CHEK2: variants seen among roughly 807,000 people sequenced by gnomAD.
CHEK2 encodes checkpoint kinase 2.
Under a neutral mutation model 69.1 loss-of-function variants are expected in CHEK2, and 71 were observed. That is an observed-to-expected ratio of 1.03 (90% CI 0.85 to 1.25). The LOEUF is 1.25. Among genes scored for constraint, CHEK2 ranks in the 50% most tolerant of loss-of-function variants. The probability of loss-of-function intolerance (pLI) is 0.00; values close to 1 mark genes in which losing one functional copy is unlikely to be tolerated. For synonymous variants in CHEK2, 189 were observed against 226.9 expected, an observed-to-expected ratio of 0.83 and a Z score of 1.50; for missense variants, 664 against 649.6, an observed-to-expected ratio of 1.02 and a Z score of -0.24.
chr22:28,711,986 C>A lies in CHEK2; in HGVS notation c.715G>T (p.Glu239Ter), dbSNP rs121908702. The A allele has an allele frequency of 4.3e-6, 7 of 1,613,784 alleles. No homozygotes were observed. The highest frequency in any genetic ancestry group is 1.7e-5 in the Admixed American group (1 of 59,988). The stretch of plus-strand genomic sequence containing the variant: ...GCTACTTTCTTACATGTTTTCCTCT[C>A]GAAAGCCAGCTTTACCTCTCCACAG... ...GACGEVKLAF[E>*]RKTCKKVAIK... The change falls in exon 6 of 15, where the codon GAG becomes TAG. Residue 239 changes from glutamate to a stop codon, truncating the protein, a stop_gained. Transcript: ENST00000404276. LOFTEE classifies it high-confidence loss of function.
At chr22:28,729,912 C>A (rs1170664018) in intron 2 of CHEK2, among the ~76,000 whole-genome samples, 1 of 152,006 alleles carries the variant, frequency 6.6e-6, no homozygotes, top group Admixed American at 6.6e-5. Flanking sequence ...GTCAGAGCAA[C>A]CAGCCAGAAA....
At chr22:28,694,908 A>G (rs975116933) in intron 12 of CHEK2, among the ~76,000 whole-genome samples, 1 of 152,192 alleles carries the variant, frequency 6.6e-6, no homozygotes, top group Non-Finnish European at 1.5e-5. Context: ...TGGAGGTTAA[A>G]TAACTTGCCT....
intron 2 of CHEK2, among the ~76,000 whole-genome samples, chr22:28,733,777 G>A (rs889945294): frequency 6.6e-6 from 1 of 151,980 alleles, no homozygotes; most frequent in Non-Finnish European, 1.5e-5. Flanking sequence ...AAATTAGCCA[G>A]GTGTGGTGGT....
chr22:28,689,486 T>A (rs1233662708), intron 13 of CHEK2: 1 of 418,856 alleles, frequency 2.4e-6, no homozygotes, highest in East Asian at 5.1e-5. Context: ...CCTCCAGCAG[T>A]CAAGAGTTTC....
chr22:28,714,544 T>G (rs2053523633), intron 5 of CHEK2, among the ~76,000 whole-genome samples: 1 of 152,216 alleles, frequency 6.6e-6, no homozygotes. Flanking sequence ...CATAAGCCCT[T>G]ATCAGATATA....
chr22:28,696,267 C>T (rs17880511), intron 10 of CHEK2, among the ~76,000 whole-genome samples: 12 of 152,218 alleles, frequency 7.9e-5, no homozygotes, highest in African/African-American at 2.7e-4. Context: ...CTGAGTGCCA[C>T]TCTCAGCTTC....
chr22:28,726,750 G>C (rs944648350), intron 2 of CHEK2, among the ~76,000 whole-genome samples: 1 of 145,116 alleles, frequency 6.9e-6, no homozygotes, highest in African/African-American at 2.6e-5. Flanking sequence ...CCTTCCTGAG[G>C]TTTTCCATGA....
chr22:28,689,396 T>A lies in CHEK2; in HGVS notation c.1462-181A>T, dbSNP rs869312552. 455 of 652,840 alleles carry A rather than the reference T, an allele frequency of 7.0e-4. 6 individuals carry two copies. Among genetic ancestry groups the A allele is most frequent in the Non-Finnish European group, 1.3e-4 (45 of 353,096 alleles). 40.4% of individuals were successfully genotyped at this position (652,840 alleles called of 1,614,324 possible). Reference sequence around the variant, plus strand: ...GCCCGCCTCTACCTTCCCAGAGGAGTCTAATTAGCAGTCAATGCTCCATCA... The same window carrying A: ...GCCCGCCTCTACCTTCCCAGAGGAGACTAATTAGCAGTCAATGCTCCATCA... On this transcript the variant is annotated intron_variant, in intron 13 of 14. Coordinates refer to ENST00000404276, the MANE Select transcript of CHEK2 (RefSeq NM_007194.4).
At chr22:28,714,106 G>T (rs1440851551) in intron 5 of CHEK2, among the ~76,000 whole-genome samples, 1 of 152,142 alleles carries the variant, frequency 6.6e-6, no homozygotes, top group Non-Finnish European at 1.5e-5. Flanking sequence ...GCCCCATAGA[G>T]CTCAGATGTT....
chr22:28,741,047 G>T (rs1171647143), intron 1 of CHEK2, among the ~76,000 whole-genome samples: 1 of 151,118 alleles, frequency 6.6e-6, no homozygotes, highest in Non-Finnish European at 1.5e-5. Context: ...ATACTTAGGA[G>T]GCTGAGGCAG....
At chr22:28,728,004 C>G in intron 2 of CHEK2, 1 of 152,318 alleles carries the variant, frequency 6.6e-6, no homozygotes. Flanking sequence ...CGATGGCTCA[C>G]ACCTGTAATC....
chr22:28,699,763 C>T (rs952369157), intron 9 of CHEK2, 75 bp downstream of exon 9: 5 of 1,044,286 alleles, frequency 4.8e-6, no homozygotes, highest in African/African-American at 4.7e-5. Flanking sequence ...CACGGTCCCT[C>T]GATTTCTGCC....
intron 14 of CHEK2, among the ~76,000 whole-genome samples, chr22:28,688,777 G>T (rs538632749): frequency 1.3e-5 from 2 of 152,222 alleles, no homozygotes; most frequent in African/African-American, 4.8e-5. Flanking sequence ...TACTCACAAA[G>T]AACTTTAAAG....
At chr22:28,695,372 C>T (rs974719594) in intron 11 of CHEK2, 130 bp from the exon 12 acceptor site, 4 of 696,464 alleles carry the variant, frequency 5.7e-6, no homozygotes, top group Admixed American at 4.3e-5. Flanking sequence ...AAAAAGTGAG[C>T]TAGGCTGGGC....
At chr22:28,721,100 C>T (rs1257828835) in intron 4 of CHEK2, among the ~76,000 whole-genome samples, 1 of 152,154 alleles carries the variant, frequency 6.6e-6, no homozygotes, top group Non-Finnish European at 1.5e-5. Context: ...TCAGTAAATG[C>T]CTAATAAAAT....
intron 5 of CHEK2, 64 bp from the exon 6 acceptor site, chr22:28,712,081 G>T: frequency 9.1e-7 from 1 of 1,094,118 alleles, no homozygotes; most frequent in Non-Finnish European, 1.4e-6. Flanking sequence ...TACCACTCCT[G>T]GGTCCACTTC....
At chr22:28,698,339 G>A (rs755494952) in intron 9 of CHEK2, among the ~76,000 whole-genome samples, 13 of 151,758 alleles carry the variant, frequency 8.6e-5, no homozygotes, top group Non-Finnish European at 1.3e-4. Flanking sequence ...AGGTTGTAGT[G>A]AGCCGAGATC....
intron 13 of CHEK2, among the ~76,000 whole-genome samples, chr22:28,691,007 T>G (rs1369039777): frequency 6.6e-6 from 1 of 151,278 alleles, no homozygotes; most frequent in Admixed American, 6.6e-5. Flanking sequence ...AGTTTCTCAG[T>G]GTAGCTCCCC....
chr22:28,741,596 A>C (rs530584994), intron 1 of CHEK2, among the ~76,000 whole-genome samples, 173 bp downstream of exon 1: 3 of 152,288 alleles, frequency 2.0e-5, no homozygotes, highest in Admixed American at 2.0e-4. Context: ...TAATACGGGA[A>C]GTGAACTTCA....
Sources: allele counts gnomAD v4.1 joint callset (sites outside exome capture counted in the v4.1 genomes callset), GRCh38; gene constraint gnomAD v4.1.1; transcripts MANE v1.5; gene names NCBI Gene and HGNC (gene_info 2026-07-23, HGNC 2026-07-21).